LINGO2: variants seen among roughly 807,000 people sequenced by gnomAD.
The protein encoded by LINGO2 is leucine-rich repeat and immunoglobulin-like domain-containing nogo receptor-interacting protein 2.
LINGO2 carries 14 observed loss-of-function variants against 30.6 expected under a neutral mutation model. That is an observed-to-expected ratio of 0.46 (90% confidence interval 0.30 to 0.72). LINGO2 has a LOEUF of 0.72. Ranked by LOEUF, LINGO2 falls within the 30% of genes least tolerant of loss-of-function variation. The pLI, the probability that LINGO2 is intolerant of heterozygous loss-of-function variation, is 0.07. For missense variants in LINGO2, 729 were observed against 751.7 expected (o/e 0.97, Z 0.35); for synonymous variants, 317 against 288.5 (o/e 1.10, Z -1.00).
chr9:28,242,166 C>T (rs1043806511), intron 4 of LINGO2, among the ~76,000 whole-genome samples: 1 of 152,092 alleles, frequency 6.6e-6, no homozygotes, highest in African/African-American at 2.4e-5. Flanking sequence ...TGGGTAATAA[C>T]AAACTTCACT....
intron 4 of LINGO2, among the ~76,000 whole-genome samples, chr9:28,137,937 T>G (rs1827563765): frequency 6.6e-6 from 1 of 152,276 alleles, no homozygotes; most frequent in African/African-American, 2.4e-5. Context: ...GGAAATAGAA[T>G]AAAATTCCTC....
the LINGO2 span, among the ~76,000 whole-genome samples, chr9:29,003,020 CACAG>C: frequency 6.6e-6 from 1 of 151,900 alleles, no homozygotes; most frequent in African/African-American, 2.4e-5. Flanking sequence ...GAGAAAAAGA[CACAG>C]ACAAAGACGA....
At chr9:29,019,481 AAGGGTTGCACT>A in the LINGO2 span, among the ~76,000 whole-genome samples, 1 of 152,172 alleles carries the variant, frequency 6.6e-6, no homozygotes, top group South Asian at 2.1e-4. Flanking sequence ...AAAGGTGACC[AAGGGTTGCACT>A]AGCAGAACCA....
At chr9:28,671,365 G>A (rs1031526436), upstream of LINGO2, among the ~76,000 whole-genome samples, 1 of 151,672 alleles carries the variant, frequency 6.6e-6, no homozygotes, top group Non-Finnish European at 1.5e-5. Context: ...AATAAATAAA[G>A]ACCTAAATAA....
the LINGO2 span, among the ~76,000 whole-genome samples, chr9:28,929,834 A>T: frequency 6.6e-6 from 1 of 152,226 alleles, no homozygotes; most frequent in African/African-American, 2.4e-5. Context: ...CCTGAGATTG[A>T]GACTAAGATT....
At chr9:28,237,256 A>G (rs1821607436) in intron 4 of LINGO2, among the ~76,000 whole-genome samples, 1 of 152,088 alleles carries the variant, frequency 6.6e-6, no homozygotes, top group Non-Finnish European at 1.5e-5. Flanking sequence ...GCTCACAGAA[A>G]CCTCAAATTG....
intron 5 of LINGO2, among the ~76,000 whole-genome samples, chr9:27,977,128 T>C (rs1245461925): frequency 6.6e-6 from 1 of 151,602 alleles, no homozygotes; most frequent in Non-Finnish European, 1.5e-5. Flanking sequence ...AAATAGACTC[T>C]AGGCAACATT....
At chr9:28,864,705 T>C in the LINGO2 span, among the ~76,000 whole-genome samples, 4 of 151,978 alleles carry the variant, frequency 2.6e-5, no homozygotes, top group African/African-American at 9.7e-5. Context: ...TGCTCAGGAA[T>C]ACCCTACTCA....
intron 4 of LINGO2, among the ~76,000 whole-genome samples, chr9:28,103,317 TTTTCA>T (rs1438953121): frequency 2.0e-5 from 3 of 152,162 alleles, no homozygotes; most frequent in African/African-American, 7.2e-5. Flanking sequence ...TCCATGGCTC[TTTTCA>T]TTTAAGAGGT....
chr9:28,490,885 T>C (rs1826368865), intron 1 of LINGO2, among the ~76,000 whole-genome samples: 1 of 152,196 alleles, frequency 6.6e-6, no homozygotes, highest in Non-Finnish European at 1.5e-5. Flanking sequence ...GCATCTCACA[T>C]ATATCAAAGG....
the LINGO2 span, among the ~76,000 whole-genome samples, chr9:28,989,034 T>C: frequency 6.6e-6 from 1 of 152,186 alleles, no homozygotes; most frequent in Admixed American, 6.5e-5. Context: ...ATTTTTAAAT[T>C]CATTTACCAT....
chr9:29,055,087 C>T, the LINGO2 span, among the ~76,000 whole-genome samples: 6 of 151,818 alleles, frequency 4.0e-5, no homozygotes, highest in Non-Finnish European at 8.8e-5. Flanking sequence ...GGCGTGGTGG[C>T]GGGCACCTGT....
chr9:28,813,819 T>C, the LINGO2 span, among the ~76,000 whole-genome samples: 1 of 152,106 alleles, frequency 6.6e-6, no homozygotes, highest in Non-Finnish European at 1.5e-5. Context: ...ATAAAAAGGA[T>C]CTAGCCATGC....
At chr9:28,480,885 G>A (rs143967224) in intron 1 of LINGO2, among the ~76,000 whole-genome samples, 1 of 151,984 alleles carries the variant, frequency 6.6e-6, no homozygotes, top group East Asian at 1.9e-4. Flanking sequence ...CTATTTCTAT[G>A]GCTCCAACCA....
chr9:28,076,474 C>CTT (rs141575683), intron 4 of LINGO2, among the ~76,000 whole-genome samples: 2 of 150,266 alleles, frequency 1.3e-5, no homozygotes, highest in East Asian at 2.0e-4. Flanking sequence ...TTACCTCAAG[C>CTT]TTTTTTTTTC....
the LINGO2 span, among the ~76,000 whole-genome samples, chr9:28,773,056 T>C: frequency 6.6e-6 from 1 of 152,040 alleles, no homozygotes; most frequent in Non-Finnish European, 1.5e-5. Context: ...TAGACACAAA[T>C]GTAAGGCAAC....
At chr9:29,063,059 G>GT in the LINGO2 span, among the ~76,000 whole-genome samples, 8 of 152,184 alleles carry the variant, frequency 5.3e-5, no homozygotes, top group East Asian at 3.9e-4. Context: ...AAAGAACAAC[G>GT]TATCTATGAG....
chr9:28,352,073 C>G (rs1487187254), intron 3 of LINGO2, among the ~76,000 whole-genome samples: 2 of 147,014 alleles, frequency 1.4e-5, no homozygotes, highest in African/African-American at 4.9e-5. Context: ...TGGAAGCATT[C>G]CCTTTGAAAA....
intron 4 of LINGO2, among the ~76,000 whole-genome samples, chr9:28,030,941 A>G (rs570766116): frequency 6.6e-6 from 1 of 152,334 alleles, no homozygotes; most frequent in East Asian, 1.9e-4. Context: ...CCAAGGCCAC[A>G]TTGCACTTTG....
Sources: allele counts gnomAD v4.1 joint callset (sites outside exome capture counted in the v4.1 genomes callset), GRCh38; gene constraint gnomAD v4.1.1; transcripts MANE v1.5; gene names NCBI Gene and HGNC (gene_info 2026-07-23, HGNC 2026-07-21).